DSCAML1: variants seen among roughly 807,000 people sequenced by gnomAD.
The protein encoded by DSCAML1 is DS cell adhesion molecule like 1.
In DSCAML1, 38 loss-of-function variants were observed where a neutral mutation model predicts 200.5. The observed-to-expected ratio is 0.19, with a 90% CI of 0.15 to 0.25. The LOEUF is 0.25. DSCAML1 is among the 10% of genes least tolerant of loss of function. The probability of loss-of-function intolerance (pLI) is 1.00; values close to 1 mark genes in which losing one functional copy is unlikely to be tolerated. For synonymous variants in DSCAML1, 1,215 were observed against 1,165.0 expected, an observed-to-expected ratio of 1.04 and a Z score of -0.87; for missense variants, 2,223 against 2,858.8, an observed-to-expected ratio of 0.78 and a Z score of 5.07.
chr11:117,462,666 TA>T (rs1410396778), intron 17 of DSCAML1, among the ~76,000 whole-genome samples: 1 of 152,244 alleles, frequency 6.6e-6, no homozygotes, highest in African/African-American at 2.4e-5. Flanking sequence ...AAGCACCATG[TA>T]ATTAGGGACC....
In DSCAML1 at chr11:117,518,515, C is replaced by A. The variant is rs767362533; in HGVS notation, c.1461G>T (p.Ala487=). The change falls in exon 7 of 33, where the codon GCG becomes GCT. Residue 487 remains alanine, a synonymous_variant. Transcript: ENST00000651296. The surrounding 1 kb of genome is among the most constrained non-coding windows in gnomAD (Gnocchi z 6.3). ...IRDGGVYRCT[A]RNLVGSAEYQ... Reference sequence around the variant, plus strand: ...ATTCAGCACTGCCCACCAAGTTCCGCGCTGTGCACCGGTACACGCCCCCGT... The same window carrying A: ...ATTCAGCACTGCCCACCAAGTTCCGAGCTGTGCACCGGTACACGCCCCCGT... The A allele has an allele frequency of 3.1e-6, 5 of 1,614,230 alleles. No homozygotes were observed. Among genetic ancestry groups the A allele is most frequent in the Non-Finnish European group, 4.2e-6 (5 of 1,180,046 alleles).
intron 3 of DSCAML1, 145 bp downstream of exon 3, chr11:117,776,646 A>G: frequency 3.0e-6 from 3 of 1,015,030 alleles, no homozygotes. Flanking sequence ...TTTTGGCCAA[A>G]GCTTCACCAG....
Position 117,505,710 on chromosome 11 carries a change from G to A in DSCAML1, c.1806C>T (p.Phe602=), listed in dbSNP as rs144469984. 2,636 of 1,611,848 alleles carry A rather than the reference G, an allele frequency of 1.6e-3. 4 individuals are homozygous for A. Among genetic ancestry groups the A allele is most frequent in the Non-Finnish European group, 1.9e-3 (2,280 of 1,179,034 alleles). ...GGCCGATGGAGGCGGGTGGGAATTCGAAGGGCTGGATCAGAGGGGGCACTG... is the reference window on the plus strand; with the variant it reads ...GGCCGATGGAGGCGGGTGGGAATTCAAAGGGCTGGATCAGAGGGGGCACTG... ...AVKVPPLIQP[F]EFPPASIGQL... The change falls in exon 9 of 33, where the codon TTC becomes TTT. Residue 602 remains phenylalanine, a synonymous_variant. Coordinates refer to ENST00000651296, the MANE Select transcript of DSCAML1 (RefSeq NM_020693.4). This position sits in a 1 kb window ranked among gnomAD's most constrained non-coding sequence, Gnocchi z 6.7.
In DSCAML1 at chr11:117,797,170, C is replaced by T. The variant is rs757605244; in HGVS notation, c.-91G>A. Reference sequence around the variant, plus strand: ...CCCGCTCAGCGCGCTCCCAGCCGCCCGCACTCGGCGCCCCGCTCTCTCTGC... The same window carrying T: ...CCCGCTCAGCGCGCTCCCAGCCGCCTGCACTCGGCGCCCCGCTCTCTCTGC... On this transcript the variant is annotated 5_prime_UTR_variant, in exon 1 of 33. Transcript: ENST00000651296. 31 of 1,577,038 alleles carry T rather than the reference C, an allele frequency of 2.0e-5. No homozygotes were observed. The highest frequency in any genetic ancestry group is 1.8e-4 in the African/African-American group (13 of 71,290).
At chr11:117,471,619 G>T (rs550424062) in intron 15 of DSCAML1, among the ~76,000 whole-genome samples, 1 of 152,314 alleles carries the variant, frequency 6.6e-6, no homozygotes, top group South Asian at 2.1e-4. Flanking sequence ...CTTTCCAGAT[G>T]CTGGGGCCAG....
At chr11:117,636,183 G>A (rs2052278153) in intron 3 of DSCAML1, among the ~76,000 whole-genome samples, 1 of 152,136 alleles carries the variant, frequency 6.6e-6, no homozygotes, top group Non-Finnish European at 1.5e-5. Context: ...ATCTGAATGA[G>A]GAAAAACCGA....
chr11:117,739,358 G>A (rs1015128270), intron 3 of DSCAML1, among the ~76,000 whole-genome samples: 3 of 152,148 alleles, frequency 2.0e-5, no homozygotes, highest in African/African-American at 4.8e-5. Flanking sequence ...CTACTCAATC[G>A]GAAACTCTGG....
At chr11:117,728,930 G>A (rs1340851916) in intron 3 of DSCAML1, among the ~76,000 whole-genome samples, 2 of 152,172 alleles carry the variant, frequency 1.3e-5, no homozygotes, top group Admixed American at 6.5e-5. Flanking sequence ...TTAAAAAAGT[G>A]TGTAAAGAAT....
intron 26 of DSCAML1, 122 bp downstream of exon 26, chr11:117,437,000 C>T: frequency 1.5e-6 from 2 of 1,347,418 alleles, no homozygotes; most frequent in Admixed American, 2.5e-5. Flanking sequence ...AGCATTTCCC[C>T]CACCTGCATT....
intron 3 of DSCAML1, among the ~76,000 whole-genome samples, chr11:117,533,933 C>T (rs1165839669): frequency 7.2e-5 from 11 of 152,124 alleles, no homozygotes; most frequent in Non-Finnish European, 1.5e-4. Context: ...CAGGCAGACC[C>T]GGAGGGCCCA....
intron 3 of DSCAML1, among the ~76,000 whole-genome samples, chr11:117,764,648 G>C (rs893563646): frequency 1.3e-5 from 2 of 152,268 alleles, no homozygotes; most frequent in African/African-American, 4.8e-5. Context: ...ACAGCTACAG[G>C]CTGACGGAAC....
intron 13 of DSCAML1, 39 bp downstream of exon 13, chr11:117,481,135 G>A (rs2048906971): frequency 1.3e-6 from 2 of 1,597,014 alleles, no homozygotes; most frequent in Non-Finnish European, 1.7e-6. Flanking sequence ...CCTGGGCCCT[G>A]GGGAGGTGGG....
At chr11:117,494,807 GA>G in intron 11 of DSCAML1, among the ~76,000 whole-genome samples, 1 of 152,324 alleles carries the variant, frequency 6.6e-6, no homozygotes, top group South Asian at 2.1e-4. Flanking sequence ...GCCACAGGAA[GA>G]GAAGGCCATG....
chr11:117,521,072 G>A (rs1315121554), intron 6 of DSCAML1, 58 bp downstream of exon 6: 6 of 1,584,220 alleles, frequency 3.8e-6, no homozygotes, highest in Non-Finnish European at 3.4e-6. Flanking sequence ...CAGCAGAAGG[G>A]AGGGAATGAG....
intron 1 of DSCAML1, among the ~76,000 whole-genome samples, chr11:117,808,056 G>A (rs1481659860): frequency 6.6e-6 from 1 of 152,154 alleles, no homozygotes; most frequent in South Asian, 2.1e-4. Flanking sequence ...TCCTGACCTC[G>A]TGATCCGCCC....
intron 21 of DSCAML1, among the ~76,000 whole-genome samples, chr11:117,440,930 A>C (rs1592579388): frequency 6.7e-6 from 1 of 149,206 alleles, no homozygotes; most frequent in East Asian, 1.9e-4. Context: ...CAAAAAAAAA[A>C]AAAAAAAAAA....
chr11:117,597,472 G>A (rs1016001330), intron 3 of DSCAML1, among the ~76,000 whole-genome samples: 7 of 152,274 alleles, frequency 4.6e-5, no homozygotes, highest in South Asian at 2.1e-4. Flanking sequence ...TTTTCGAGAC[G>A]GAGTCTCACT....
intron 3 of DSCAML1, among the ~76,000 whole-genome samples, chr11:117,735,864 T>C (rs2054307544): frequency 6.6e-6 from 1 of 152,120 alleles, no homozygotes; most frequent in Non-Finnish European, 1.5e-5. Context: ...TACATTTGCA[T>C]CAGGGCTGAG....
chr11:117,514,566 CTTTTTCTTT>C (rs1226500123), intron 8 of DSCAML1, among the ~76,000 whole-genome samples: 2 of 93,988 alleles, frequency 2.1e-5, no homozygotes, highest in East Asian at 3.0e-4. Flanking sequence ...CTTTTCTTTT[CTTTTTCTTT>C]TTTTTTTTTT....
Sources: gnomAD v4.1 joint callset for allele counts (sites outside exome capture counted in the v4.1 genomes callset) on GRCh38, gnomAD v4.1.1 for gene constraint, Gnocchi (gnomAD v3.1) non-coding constraint, MANE v1.5 for transcripts, NCBI Gene and HGNC (gene_info 2026-07-23, HGNC 2026-07-21) for gene names.